ACSS3: variants seen among roughly 807,000 people sequenced by gnomAD.
The protein encoded by ACSS3 is acyl-CoA synthetase short chain family member 3, also known as acyl-CoA synthetase short-chain family member 3, mitochondrial.
In ACSS3, 64 loss-of-function variants were observed where a neutral mutation model predicts 84.2. That is an observed-to-expected ratio of 0.76 (90% CI 0.62 to 0.94). The LOEUF (loss-of-function observed/expected upper bound fraction) is 0.94, where lower values mean the gene tolerates loss of function less well. ACSS3 is among the 40% of genes least tolerant of loss of function. ACSS3 has a pLI of 0.00. For missense variants in ACSS3, 815 were observed against 867.6 expected (o/e 0.94, Z 0.76); for synonymous variants, 317 against 310.1 (o/e 1.02, Z -0.23).
At chr12:81,237,939 TAGTG>T (rs1292065870) in intron 13 of ACSS3, among the ~76,000 whole-genome samples, 1 of 151,740 alleles carries the variant, frequency 6.6e-6, no homozygotes, top group Non-Finnish European at 1.5e-5. Flanking sequence ...TTCCAGATCT[TAGTG>T]GGAAAGTTTT....
chr12:81,209,346 T>C (rs1190824634), intron 9 of ACSS3, among the ~76,000 whole-genome samples: 1 of 150,286 alleles, frequency 6.7e-6, no homozygotes, highest in African/African-American at 2.5e-5. Flanking sequence ...AAAGGTTATA[T>C]AACATTTTTA....
chr12:81,112,427 T>A (rs921105299), intron 2 of ACSS3, among the ~76,000 whole-genome samples: 1 of 152,218 alleles, frequency 6.6e-6, no homozygotes. Context: ...ATTACATAAG[T>A]GTATATGACA....
chr12:81,250,121 T>C (rs2034104176), intron 13 of ACSS3, among the ~76,000 whole-genome samples: 1 of 152,072 alleles, frequency 6.6e-6, no homozygotes, highest in South Asian at 2.1e-4. Flanking sequence ...TTGGAGGGAA[T>C]GCATTAATGT....
At chr12:81,203,601 A>G (rs2032207849) in intron 9 of ACSS3, among the ~76,000 whole-genome samples, 1 of 152,190 alleles carries the variant, frequency 6.6e-6, no homozygotes, top group Non-Finnish European at 1.5e-5. Context: ...ATACAAGAAC[A>G]GATTAGCACC....
intron 8 of ACSS3, among the ~76,000 whole-genome samples, chr12:81,181,859 A>G (rs2030960938): frequency 6.6e-6 from 1 of 151,886 alleles, no homozygotes; most frequent in East Asian, 1.9e-4. Flanking sequence ...ACTCATTCAC[A>G]GGAAAAAATA....
chr12:81,248,558 T>C (rs1230564620), intron 13 of ACSS3, among the ~76,000 whole-genome samples: 3 of 151,926 alleles, frequency 2.0e-5, no homozygotes, highest in African/African-American at 7.2e-5. Flanking sequence ...GGTATGTGTG[T>C]GTCAAGTGGT....
chr12:81,236,923 C>T (rs1009113045), intron 13 of ACSS3, among the ~76,000 whole-genome samples: 1 of 151,264 alleles, frequency 6.6e-6, no homozygotes, highest in African/African-American at 2.4e-5. Flanking sequence ...CCAATGAAAG[C>T]TAATGGCAAT....
At chr12:81,121,486 A>T (rs1884597638) in intron 2 of ACSS3, among the ~76,000 whole-genome samples, 1 of 152,014 alleles carries the variant, frequency 6.6e-6, no homozygotes, top group East Asian at 1.9e-4. Flanking sequence ...ACATTTTTAC[A>T]CACTTTTGGT....
At chr12:81,229,423 C>T (rs776153552) in intron 11 of ACSS3, among the ~76,000 whole-genome samples, 7 of 151,760 alleles carry the variant, frequency 4.6e-5, no homozygotes, top group Non-Finnish European at 1.0e-4. Flanking sequence ...GAAAGTGCTG[C>T]TAAGTTGATT....
At chr12:81,096,088 T>C (rs1369582919) in intron 1 of ACSS3, among the ~76,000 whole-genome samples, 1 of 152,230 alleles carries the variant, frequency 6.6e-6, no homozygotes, top group Non-Finnish European at 1.5e-5. Flanking sequence ...GGGATATCAC[T>C]GTGTGAATAA....
chr12:81,163,844 G>A (rs1014420358), intron 7 of ACSS3, among the ~76,000 whole-genome samples: 1 of 152,104 alleles, frequency 6.6e-6, no homozygotes. Flanking sequence ...AAATAATTTT[G>A]TTCAGTTGTA....
chr12:81,216,314 G>A (rs918642929), intron 9 of ACSS3, among the ~76,000 whole-genome samples: 14 of 151,712 alleles, frequency 9.2e-5, no homozygotes, highest in East Asian at 1.9e-4. Context: ...GTTGGAGGAG[G>A]GGGGAGGGAT....
chr12:81,159,412 G>C (rs1037910218), intron 7 of ACSS3, among the ~76,000 whole-genome samples: 1 of 152,134 alleles, frequency 6.6e-6, no homozygotes, highest in African/African-American at 2.4e-5. Context: ...TATAGACAGA[G>C]ATTTACTTTT....
chr12:81,224,835 G>A (rs1050785851), intron 11 of ACSS3, among the ~76,000 whole-genome samples: 10 of 151,814 alleles, frequency 6.6e-5, no homozygotes, highest in South Asian at 2.1e-4. Context: ...GCTACTGCCC[G>A]TTAGTCACTT....
rs1198582803 is a variant in ACSS3 at position 81,220,025 on chromosome 12, A to G, written c.1463A>G (p.Asp488Gly). The change falls in exon 11 of 16, where the codon GAT becomes GGT. Residue 488 changes from aspartate (D) to glycine (G), a missense_variant. By Grantham distance (94) the Asp-to-Gly change is moderately conservative. Coordinates refer to ENST00000548058, the MANE Select transcript of ACSS3 (RefSeq NM_024560.4). ...TTTTACTTTGTAGTTATGATTTTGG[A>G]TGACAACATGCAAAAACTGAAGGCT... ...SVPGYNVMIL[D>G]DNMQKLKARC... The G allele has an allele frequency of 1.9e-6, 3 of 1,538,836 alleles. No individual in the cohort carries two copies. Among genetic ancestry groups the G allele is most frequent in the Admixed American group, 2.0e-5 (1 of 51,238 alleles).
At chr12:81,246,946 T>A (rs2034002926) in intron 13 of ACSS3, among the ~76,000 whole-genome samples, 1 of 152,128 alleles carries the variant, frequency 6.6e-6, no homozygotes, top group Non-Finnish European at 1.5e-5. Flanking sequence ...GTTAAAAAAA[T>A]TAAAAATTAA....
intron 5 of ACSS3, among the ~76,000 whole-genome samples, chr12:81,149,795 C>G (rs953285492): frequency 6.6e-6 from 1 of 152,088 alleles, no homozygotes; most frequent in African/African-American, 2.4e-5. Flanking sequence ...TGCCTTTTGA[C>G]TGATAGGAGC....
intron 1 of ACSS3, among the ~76,000 whole-genome samples, chr12:81,101,030 G>A (rs1408292167): frequency 1.3e-5 from 2 of 152,168 alleles, no homozygotes; most frequent in African/African-American, 2.4e-5. Context: ...GTGATCTGAA[G>A]GTTCTGTGTA....
intron 8 of ACSS3, among the ~76,000 whole-genome samples, chr12:81,184,781 AT>A: frequency 6.6e-6 from 1 of 151,868 alleles, no homozygotes; most frequent in African/African-American, 2.4e-5. Context: ...AAACCAGATG[AT>A]TTTAGAGCTG....
Sources: gnomAD v4.1 joint callset for allele counts (sites outside exome capture counted in the v4.1 genomes callset) on GRCh38, gnomAD v4.1.1 for gene constraint, MANE v1.5 for transcripts, NCBI Gene and HGNC (gene_info 2026-07-23, HGNC 2026-07-21) for gene names.